The following GLMN variants were observed in gnomAD, a reference collection of about 807,000 sequenced individuals.
GLMN encodes the protein glomulin.
GLMN carries 75 observed loss-of-function variants against 87.8 expected under a neutral mutation model. The observed-to-expected ratio is 0.85, with a 90% CI of 0.71 to 1.04. The LOEUF (loss-of-function observed/expected upper bound fraction) is 1.04. Among genes scored for constraint, GLMN ranks in the 50% least tolerant of loss-of-function variants. The probability of loss-of-function intolerance (pLI) is 0.00; values close to 1 mark genes in which losing one functional copy is unlikely to be tolerated. For missense variants in GLMN, 588 were observed against 658.8 expected (o/e 0.89, Z 1.18); for synonymous variants, 206 against 221.6 (o/e 0.93, Z 0.63).
At chr1:92,273,269 C>T (rs1233357991) in intron 7 of GLMN, among the ~76,000 whole-genome samples, 2 of 152,116 alleles carry the variant, frequency 1.3e-5, no homozygotes, top group Admixed American at 1.3e-4. Context: ...TGCTATTCAG[C>T]GACCAGATGC....
At chr1:92,369,510 G>T in the GLMN span, among the ~76,000 whole-genome samples, 7 of 152,016 alleles carry the variant, frequency 4.6e-5, no homozygotes, top group Non-Finnish European at 8.8e-5. Context: ...TTGCTCTGTT[G>T]CCCAGACTGG....
the GLMN span, chr1:92,304,114 A>G: frequency 7.0e-7 from 1 of 1,437,090 alleles, no homozygotes; most frequent in South Asian, 1.2e-5. Flanking sequence ...GGCTTTTATT[A>G]TTTTCATTTA....
rs1393913504 is a variant in GLMN at position 92,246,997 on chromosome 1, TG to T, written c.1668+64del. ...ACAATCATGCCACTGCACTCCAGCTTGGGCAAGATAGCAAGACCCCGTTTCT... is the reference window on the plus strand; with the variant it reads ...ACAATCATGCCACTGCACTCCAGCTTGGCAAGATAGCAAGACCCCGTTTCT... On this transcript the variant is annotated intron_variant, in intron 18 of 18. Transcript: ENST00000370360. 4.6e-5 allele frequency: 40 copies of T among 876,612 alleles called. No homozygotes were observed. In the East Asian group the frequency reaches 9.1e-4, roughly 20 times the overall value. 54.3% of individuals were successfully genotyped at this position (876,612 alleles called of 1,614,324 possible). A position where few individuals can be genotyped will look rare whatever the true frequency, so the allele number is the denominator to read the frequency against.
the GLMN span, among the ~76,000 whole-genome samples, chr1:92,360,707 G>A: frequency 6.6e-6 from 1 of 152,044 alleles, no homozygotes; most frequent in Non-Finnish European, 1.5e-5. Context: ...TGCCTTAAAT[G>A]TCAGTGTTAT....
chr1:92,299,953 TAC>T (rs2101090324), upstream of GLMN, among the ~76,000 whole-genome samples: 1 of 152,286 alleles, frequency 6.6e-6, no homozygotes, highest in Admixed American at 6.5e-5. Context: ...CGAGTGCACT[TAC>T]ACAAACCTAG....
the GLMN span, among the ~76,000 whole-genome samples, chr1:92,326,587 G>A: frequency 6.6e-6 from 1 of 152,274 alleles, no homozygotes; most frequent in East Asian, 1.9e-4. Flanking sequence ...CATGGGGGCA[G>A]GGCTATGTGC....
At chr1:92,358,684 T>C in the GLMN span, among the ~76,000 whole-genome samples, 3 of 151,890 alleles carry the variant, frequency 2.0e-5, no homozygotes, top group Non-Finnish European at 4.4e-5. Flanking sequence ...ATCTCCTGAG[T>C]TCAAGTGATC....
chr1:92,327,656 T>C, the GLMN span, among the ~76,000 whole-genome samples: 21 of 152,220 alleles, frequency 1.4e-4, no homozygotes, highest in Non-Finnish European at 2.6e-4. Context: ...TTACATTCAA[T>C]GTTAGTATTG....
rs559108257 is a variant in GLMN, at chr1:92,272,071, G to A, written c.736-419C>T. ...CATGGCAAGGGACCAACTACAGGCA[G>A]CTCCTAGAAGCTAAATGTGGTCCCT... On this transcript the variant is annotated intron_variant, in intron 7 of 18. Transcript: ENST00000370360. 3.3e-5 allele frequency among the ~76,000 whole-genome samples: 5 copies of A among 152,354 alleles called. No individual in the cohort carries two copies. The East Asian group carries it at 9.6e-4, about 29-fold the overall frequency.
At chr1:92,277,466 C>T (rs774718596) in intron 7 of GLMN, among the ~76,000 whole-genome samples, 2 of 152,150 alleles carry the variant, frequency 1.3e-5, no homozygotes, top group Admixed American at 6.5e-5. Flanking sequence ...CTGATAGCTG[C>T]GTCTCCTGGA....
intron 13 of GLMN, among the ~76,000 whole-genome samples, chr1:92,264,988 C>G (rs1243785152): frequency 6.6e-6 from 1 of 152,062 alleles, no homozygotes; most frequent in Non-Finnish European, 1.5e-5. Context: ...ATTACAGGCG[C>G]CCGCCACCGT....
chr1:92,349,968 A>G, the GLMN span, among the ~76,000 whole-genome samples: 4 of 152,120 alleles, frequency 2.6e-5, no homozygotes, highest in East Asian at 1.9e-4. Context: ...TAATTTATCA[A>G]TGTATACTGA....
At chr1:92,331,244 T>C in the GLMN span, among the ~76,000 whole-genome samples, 1 of 152,350 alleles carries the variant, frequency 6.6e-6, no homozygotes, top group Non-Finnish European at 1.5e-5. Context: ...TTGCTGACAT[T>C]AACATTCTTG....
chr1:92,283,875 T>C (rs1440487804), intron 7 of GLMN, among the ~76,000 whole-genome samples: 2 of 152,130 alleles, frequency 1.3e-5, no homozygotes, highest in Non-Finnish European at 2.9e-5. Flanking sequence ...TCACAATTAC[T>C]ACAAAGAGAA....
At chr1:92,296,365 T>C (rs1650050745) in intron 3 of GLMN, among the ~76,000 whole-genome samples, 1 of 152,168 alleles carries the variant, frequency 6.6e-6, no homozygotes, top group African/African-American at 2.4e-5. Flanking sequence ...TCCACATGGC[T>C]AGGGAGGCCT....
chr1:92,328,131 C>T, the GLMN span, among the ~76,000 whole-genome samples: 7 of 152,216 alleles, frequency 4.6e-5, no homozygotes, highest in South Asian at 2.1e-4. Flanking sequence ...GACTATGTGC[C>T]GGGGCAATGA....
chr1:92,266,012 T>G (rs1655595062), intron 13 of GLMN, among the ~76,000 whole-genome samples: 1 of 152,204 alleles, frequency 6.6e-6, no homozygotes, highest in Non-Finnish European at 1.5e-5. Context: ...GCAGTATTAG[T>G]AAGCTCTTAC....
At chr1:92,353,227 G>A in the GLMN span, among the ~76,000 whole-genome samples, 1 of 152,080 alleles carries the variant, frequency 6.6e-6, no homozygotes, top group South Asian at 2.1e-4. Flanking sequence ...GAATTGCTGG[G>A]TCATATGATA....
upstream of GLMN, chr1:92,298,990 C>A: frequency 1.6e-6 from 1 of 644,046 alleles, no homozygotes; most frequent in Non-Finnish European, 2.5e-6. Flanking sequence ...GCTCTTCTGG[C>A]CCCGCCCCGC....
Sources: gnomAD v4.1 joint callset for allele counts (sites outside exome capture counted in the v4.1 genomes callset) on GRCh38, gnomAD v4.1.1 for gene constraint, MANE v1.5 for transcripts, NCBI Gene and HGNC (gene_info 2026-07-23, HGNC 2026-07-21) for gene names.